Variants in PGAP2 observed in about 807,000 individuals in gnomAD.
The protein encoded by PGAP2 is acyltransferase PGAP2.
In PGAP2, 21 loss-of-function variants were observed where a neutral mutation model predicts 33.2. The observed-to-expected ratio is 0.63, with a 90% CI of 0.45 to 0.91. The LOEUF is 0.91. Ranked by LOEUF, PGAP2 falls within the 40% of genes least tolerant of loss-of-function variation. The probability of loss-of-function intolerance (pLI) is 0.00; values close to 1 mark genes in which losing one functional copy is unlikely to be tolerated. For missense variants in PGAP2, 345 were observed against 424.0 expected (o/e 0.81, Z 1.64); for synonymous variants, 161 against 172.9 (o/e 0.93, Z 0.54).
intron 1 of PGAP2, among the ~76,000 whole-genome samples, chr11:3,801,292 T>A (rs1274440041): frequency 6.6e-6 from 1 of 151,974 alleles, no homozygotes; most frequent in East Asian, 1.9e-4. Context: ...TTAAAGCACT[T>A]AGCATAGTAC....
At chr11:3,799,581 G>C (rs2083159284) in intron 1 of PGAP2, among the ~76,000 whole-genome samples, 1 of 152,206 alleles carries the variant, frequency 6.6e-6, no homozygotes, top group Non-Finnish European at 1.5e-5. Context: ...ATGCAAAATT[G>C]AACTGGGCTT....
Position 3,825,021 on chromosome 11 carries a change from A to G in PGAP2, c.710A>G (p.Asp237Gly). Residue 237 changes from aspartate to glycine, a missense_variant and splice_region_variant, in exon 6 of 7, where the codon GAT becomes GGT. Physicochemically the swap from Asp to Gly is moderately conservative, Grantham distance 94. Transcript: ENST00000278243. ...GTGATCAGACAGCCCATTCCCTAGGATCGCAAGTCCTACAGCTGGAAACAG... is the reference window on the plus strand; with the variant it reads ...GTGATCAGACAGCCCATTCCCTAGGGTCGCAAGTCCTACAGCTGGAAACAG... ...LTKKHTVSQEDRKSYSWKQRL... is the reference protein window; with the variant it reads ...LTKKHTVSQEGRKSYSWKQRL... 1 of 1,614,194 alleles carries G rather than the reference A, an allele frequency of 6.2e-7. No homozygotes were observed. The highest frequency in any genetic ancestry group is 8.5e-7 in the Non-Finnish European group (1 of 1,180,024).
intron 1 of PGAP2, among the ~76,000 whole-genome samples, chr11:3,803,510 C>T (rs537288121): frequency 6.6e-6 from 1 of 152,112 alleles, no homozygotes; most frequent in Admixed American, 6.5e-5. Flanking sequence ...TCACTGCAAC[C>T]TCCGCCTCCT....
At chr11:3,822,877 A>C in intron 3 of PGAP2, 5 of 1,183,962 alleles carry the variant, frequency 4.2e-6, no homozygotes, top group Non-Finnish European at 6.0e-6. Context: ...CAGTCCCTGC[A>C]GCTGTGTATT....
At chr11:3,823,610 C>T in intron 3 of PGAP2, 2 of 1,536,336 alleles carry the variant, frequency 1.3e-6, no homozygotes, top group Non-Finnish European at 1.7e-6. Context: ...TGACCAAACA[C>T]AGGCAGGTTC....
chr11:3,801,960 A>T (rs2083517428), intron 1 of PGAP2, among the ~76,000 whole-genome samples: 1 of 152,066 alleles, frequency 6.6e-6, no homozygotes, highest in African/African-American at 2.4e-5. Context: ...CTAAATAAAT[A>T]AATAAATAAA....
chr11:3,817,281 C>A, intron 2 of PGAP2, 72 bp from the exon 3 acceptor site: 1 of 1,231,086 alleles, frequency 8.1e-7, no homozygotes, highest in Non-Finnish European at 1.2e-6. Context: ...GGAGCCATCT[C>A]TGGAAAAGGC....
chr11:3,805,906 C>T (rs191713278), upstream of PGAP2, among the ~76,000 whole-genome samples: 7 of 151,408 alleles, frequency 4.6e-5, no homozygotes, highest in East Asian at 1.0e-3. Context: ...AGGATTGTCT[C>T]GATCTCTTGA....
rs1178472216 is a variant in PGAP2, at chr11:3,825,437, G to T, written c.927G>T (p.Gln309His). 1 of 1,613,584 alleles carries T rather than the reference G, an allele frequency of 6.2e-7. No homozygotes were observed. Among genetic ancestry groups the T allele is most frequent in the African/African-American group, 1.3e-5 (1 of 74,984 alleles). ...FGNKELLITS[Q>H]PEEKRF ...ACAAGGAGCTGCTCATAACCTCTCA[G>T]CCTGAGGAAAAGCGATTCTGAACCC... The change falls in exon 7 of 7, where the codon CAG becomes CAT. Residue 309 changes from glutamine to histidine, a missense_variant. Transcript: ENST00000278243.
At chr11:3,808,110 G>A, upstream of PGAP2, 1 of 1,456,692 alleles carries the variant, frequency 6.9e-7, no homozygotes, top group Non-Finnish European at 9.1e-7. Flanking sequence ...TTGCTGAAAT[G>A]TCCCCAACCG....
chr11:3,808,289 A>T (rs1328673381), upstream of PGAP2: 2 of 1,551,366 alleles, frequency 1.3e-6, no homozygotes, highest in Admixed American at 3.9e-5. Context: ...GTGTTCTTTC[A>T]ACAGGTAGAT....
chr11:3,803,378 C>T (rs1228990586), intron 1 of PGAP2, among the ~76,000 whole-genome samples: 6 of 151,770 alleles, frequency 4.0e-5, no homozygotes, highest in African/African-American at 1.2e-4. Flanking sequence ...CCACCTGCCT[C>T]GGCCTCCCAA....
intron 1 of PGAP2, among the ~76,000 whole-genome samples, chr11:3,802,336 G>A (rs932314070): frequency 2.6e-5 from 4 of 152,194 alleles, no homozygotes; most frequent in African/African-American, 9.7e-5. Context: ...CCTGGCTGGG[G>A]AAGGACATCT....
At chr11:3,821,096 A>C in intron 3 of PGAP2, among the ~76,000 whole-genome samples, 1 of 149,982 alleles carries the variant, frequency 6.7e-6, no homozygotes, top group East Asian at 1.9e-4. Context: ...CTTTGAGACC[A>C]GCATCTTCTC....
intron 1 of PGAP2, among the ~76,000 whole-genome samples, chr11:3,801,339 G>GC (rs1281176026): frequency 1.3e-5 from 2 of 151,618 alleles, no homozygotes; most frequent in Non-Finnish European, 2.9e-5. Context: ...GGTATTGTTT[G>GC]CATTATTTAA....
intron 1 of PGAP2, among the ~76,000 whole-genome samples, chr11:3,801,262 C>A (rs10767605): frequency 0.65 from 98,413 of 151,992 alleles, 33,274 homozygotes; most frequent in East Asian, 0.81. Context: ...TCGTAGTGAG[C>A]ATTAAAAGAG....
intron 1 of PGAP2, among the ~76,000 whole-genome samples, chr11:3,799,249 C>T (rs970153576): frequency 2.6e-5 from 4 of 152,144 alleles, no homozygotes; most frequent in Non-Finnish European, 5.9e-5. Context: ...GAAAGCAAAG[C>T]GTATACTGGC....
intron 3 of PGAP2, chr11:3,818,037 A>C: frequency 5.5e-5 from 14 of 254,142 alleles, no homozygotes; most frequent in East Asian, 1.4e-4. Context: ...CAGGAGTAAA[A>C]CCCTGTCTCA....
intron 1 of PGAP2, among the ~76,000 whole-genome samples, chr11:3,799,670 T>A (rs1441605477): frequency 6.6e-6 from 1 of 151,934 alleles, no homozygotes; most frequent in African/African-American, 2.4e-5. Flanking sequence ...GATTTATTTG[T>A]TTGTTTAAAA....
Sources: gnomAD v4.1 joint callset for allele counts (sites outside exome capture counted in the v4.1 genomes callset) on GRCh38, gnomAD v4.1.1 for gene constraint, MANE v1.5 for transcripts, NCBI Gene and HGNC (gene_info 2026-07-23, HGNC 2026-07-21) for gene names.